PRKG1: variants seen among roughly 807,000 people sequenced by gnomAD.
The protein encoded by PRKG1 is cGMP-dependent protein kinase 1.
Under a neutral mutation model 88.1 loss-of-function variants are expected in PRKG1, and 35 were observed. The ratio of observed to expected loss-of-function variants is 0.40; its 90% confidence interval spans 0.30 to 0.53. The LOEUF (loss-of-function observed/expected upper bound fraction) is 0.53, where lower values mean the gene tolerates loss of function less well. Ranked by LOEUF, PRKG1 falls within the 20% of genes least tolerant of loss-of-function variation. PRKG1 has a pLI of 0.59. For missense variants in PRKG1, 540 were observed against 839.8 expected, an observed-to-expected ratio of 0.64 and a Z score of 4.41; for synonymous variants, 303 against 292.5, an observed-to-expected ratio of 1.04 and a Z score of -0.37.
intron 9 of PRKG1, among the ~76,000 whole-genome samples, chr10:52,197,719 T>G (rs1010993619): frequency 1.3e-5 from 2 of 152,196 alleles, no homozygotes; most frequent in Non-Finnish European, 2.9e-5. Flanking sequence ...GCTCCTTCAT[T>G]CTGTAGAAGA....
At chr10:51,699,853 C>G (rs1475984147) in intron 3 of PRKG1, among the ~76,000 whole-genome samples, 3 of 152,188 alleles carry the variant, frequency 2.0e-5, no homozygotes, top group African/African-American at 7.2e-5. Context: ...ACGCTTGGTA[C>G]GAGATGACCA....
intron 2 of PRKG1, among the ~76,000 whole-genome samples, chr10:51,426,217 G>A (rs1223566014): frequency 6.6e-6 from 1 of 152,120 alleles, no homozygotes; most frequent in African/African-American, 2.4e-5. Context: ...GGAGGCAGAG[G>A]TTGCAGGGAG....
At chr10:52,188,186 A>C (rs1839246554) in intron 9 of PRKG1, among the ~76,000 whole-genome samples, 1 of 144,184 alleles carries the variant, frequency 6.9e-6, no homozygotes, top group Non-Finnish European at 1.5e-5. Flanking sequence ...TATGATATCT[A>C]TGTATGTGTG....
chr10:52,055,596 A>G (rs1846091755), intron 6 of PRKG1, among the ~76,000 whole-genome samples: 1 of 152,196 alleles, frequency 6.6e-6, no homozygotes, highest in Admixed American at 6.5e-5. Context: ...TTTCCACAGT[A>G]AAGCTATAAT....
intron 5 of PRKG1, among the ~76,000 whole-genome samples, chr10:52,014,552 T>C (rs2133177581): frequency 6.6e-6 from 1 of 152,296 alleles, no homozygotes; most frequent in South Asian, 2.1e-4. Flanking sequence ...CTCACAAATC[T>C]CATTTCCTTT....
At chr10:52,021,029 A>G (rs1845170390) in intron 5 of PRKG1, among the ~76,000 whole-genome samples, 1 of 152,116 alleles carries the variant, frequency 6.6e-6, no homozygotes, top group South Asian at 2.1e-4. Flanking sequence ...GGTGGGGGTG[A>G]GACCTCTCCT....
In PRKG1 at chr10:51,720,929, T is replaced by A. The variant is rs1029577113; in HGVS notation, c.593-83656T>A. The stretch of plus-strand genomic sequence containing the variant: ...GTTAGTAAAACAACATGGCTGGGGG[T>A]GTTGGCTCACACCTGTAATCCAAGC... On this transcript the variant is annotated intron_variant, in intron 3 of 17. Coordinates refer to ENST00000373980, the MANE Select transcript of PRKG1 (RefSeq NM_006258.4). 6.6e-5 allele frequency among the ~76,000 whole-genome samples: 10 copies of A among 151,720 alleles called. No homozygotes were observed. The East Asian group carries it at 1.6e-3, about 24-fold the overall frequency.
At chr10:51,606,185 A>T (rs897564501) in intron 3 of PRKG1, among the ~76,000 whole-genome samples, 1 of 152,150 alleles carries the variant, frequency 6.6e-6, no homozygotes, top group African/African-American at 2.4e-5. Context: ...TATTTCTCAC[A>T]TCTGTTCCTT....
intron 3 of PRKG1, among the ~76,000 whole-genome samples, chr10:51,778,306 T>C (rs1032588385): frequency 1.3e-4 from 20 of 152,124 alleles, no homozygotes; most frequent in African/African-American, 4.8e-4. Context: ...AACGTAGAAA[T>C]GTTCTCAGGT....
chr10:51,374,570 G>A (rs901819122), intron 2 of PRKG1, among the ~76,000 whole-genome samples: 5 of 152,030 alleles, frequency 3.3e-5, no homozygotes, highest in African/African-American at 1.2e-4. Flanking sequence ...AGAGGGAGTT[G>A]GGTCTCTTTT....
intron 3 of PRKG1, among the ~76,000 whole-genome samples, chr10:51,513,042 G>A (rs1841463996): frequency 1.3e-5 from 2 of 150,776 alleles, no homozygotes; most frequent in African/African-American, 4.9e-5. Flanking sequence ...TGATGGGGTT[G>A]TTTGTTTTTT....
chr10:51,236,439 A>G (rs774446105), intron 2 of PRKG1, among the ~76,000 whole-genome samples: 3 of 151,964 alleles, frequency 2.0e-5, no homozygotes, highest in Non-Finnish European at 4.4e-5. Flanking sequence ...GAAATGAGGA[A>G]AGTAGTTTGC....
intron 4 of PRKG1, among the ~76,000 whole-genome samples, chr10:51,878,061 G>C (rs572136831): frequency 1.3e-5 from 2 of 152,186 alleles, no homozygotes; most frequent in African/African-American, 4.8e-5. Context: ...ATATGACTAA[G>C]TTAACATAAT....
chr10:51,878,053 A>G (rs1349596096), intron 4 of PRKG1, among the ~76,000 whole-genome samples: 1 of 152,220 alleles, frequency 6.6e-6, no homozygotes, highest in Non-Finnish European at 1.5e-5. Flanking sequence ...AGGATAGCAT[A>G]TGACTAAGTT....
intron 9 of PRKG1, among the ~76,000 whole-genome samples, chr10:52,189,001 G>A (rs1363133130): frequency 6.6e-6 from 1 of 152,034 alleles, no homozygotes; most frequent in East Asian, 1.9e-4. Flanking sequence ...TAAGAAATAT[G>A]GCATTTATAT....
intron 5 of PRKG1, among the ~76,000 whole-genome samples, chr10:51,954,201 G>A (rs1843249839): frequency 6.6e-6 from 1 of 152,226 alleles, no homozygotes; most frequent in East Asian, 1.9e-4. Context: ...TTTTTGAAAT[G>A]ACAATTATGT....
intron 1 of PRKG1, among the ~76,000 whole-genome samples, chr10:51,118,502 T>C (rs1413793764): frequency 1.3e-5 from 2 of 152,196 alleles, no homozygotes; most frequent in Non-Finnish European, 2.9e-5. Context: ...ACTCTGTTTA[T>C]TATCATTACA....
chr10:51,495,854 G>A (rs1358915658), intron 3 of PRKG1, among the ~76,000 whole-genome samples: 2 of 152,184 alleles, frequency 1.3e-5, no homozygotes, highest in Non-Finnish European at 2.9e-5. Context: ...ATGTAGGTAT[G>A]ATTGAGGGGA....
intron 1 of PRKG1, among the ~76,000 whole-genome samples, chr10:51,149,837 T>C (rs1335431161): frequency 1.3e-5 from 2 of 151,998 alleles, no homozygotes; most frequent in Non-Finnish European, 2.9e-5. Context: ...ACCATGGAAA[T>C]TGGCAAACGC....
Sources: allele counts gnomAD v4.1 joint callset (sites outside exome capture counted in the v4.1 genomes callset), GRCh38; gene constraint gnomAD v4.1.1; transcripts MANE v1.5; gene names NCBI Gene and HGNC (gene_info 2026-07-23, HGNC 2026-07-21).